SOBP: variants seen among roughly 807,000 people sequenced by gnomAD.
SOBP encodes the protein sine oculis-binding protein homolog.
A neutral mutation model predicts 53.6 loss-of-function variants in SOBP; 4 were observed. The ratio of observed to expected loss-of-function variants is 0.07; its 90% confidence interval spans 0.04 to 0.17. The LOEUF (loss-of-function observed/expected upper bound fraction) is 0.17, where lower values mean the gene tolerates loss of function less well. Among genes scored for constraint, SOBP ranks in the 10% least tolerant of loss-of-function variants. The pLI, the probability that SOBP is intolerant of heterozygous loss-of-function variation, is 1.00. For missense variants in SOBP, 1,088 were observed against 1,204.7 expected, an observed-to-expected ratio of 0.90 and a Z score of 1.43; for synonymous variants, 584 against 522.6, an observed-to-expected ratio of 1.12 and a Z score of -1.60.
Position 107,646,480 on chromosome 6 carries a change from A to C in SOBP, c.*3+11011A>C, listed in dbSNP as rs547670719. 3.9e-5 allele frequency among the ~76,000 whole-genome samples: 6 copies of C among 152,304 alleles called. 1 individual carries two copies. In the East Asian group the frequency reaches 9.7e-4, roughly 25 times the overall value. ...ATGTGGGCTGCTGTTTCATGCATGC[A>C]CAGAGGCAGGCCCTGGCTCTTGCAG... On this transcript the variant is annotated intron_variant, in intron 6 of 6. Coordinates refer to ENST00000317357, the MANE Select transcript of SOBP (RefSeq NM_018013.4).
intron 3 of SOBP, among the ~76,000 whole-genome samples, chr6:107,523,607 A>G (rs1783576063): frequency 6.6e-6 from 1 of 152,098 alleles, no homozygotes; most frequent in South Asian, 2.1e-4. Context: ...TAGCCTGTCA[A>G]TTTGCCTCCC....
At chr6:107,616,090 G>GGGT (rs1786781673) in intron 5 of SOBP, among the ~76,000 whole-genome samples, 1 of 128,398 alleles carries the variant, frequency 7.8e-6, no homozygotes, top group Non-Finnish European at 1.7e-5. Flanking sequence ...GGGGTGGGGG[G>GGGT]GGGGCGGGGG....
At chr6:107,511,879 A>G (rs1035341041) in intron 3 of SOBP, among the ~76,000 whole-genome samples, 2 of 152,004 alleles carry the variant, frequency 1.3e-5, no homozygotes, top group Non-Finnish European at 2.9e-5. Context: ...ATGGTTTGTG[A>G]CAGCACAGGC....
intron 5 of SOBP, among the ~76,000 whole-genome samples, chr6:107,602,524 C>G (rs1786216426): frequency 7.1e-6 from 1 of 141,776 alleles, no homozygotes; most frequent in African/African-American, 2.7e-5. Context: ...GGAACTGATC[C>G]CCATGCAGGA....
intron 4 of SOBP, among the ~76,000 whole-genome samples, chr6:107,564,150 A>T (rs558995125): frequency 1.3e-5 from 2 of 152,302 alleles, no homozygotes; most frequent in East Asian, 1.9e-4. Context: ...TTCCCTATAA[A>T]GGAAGACGTA....
rs140014050 is a variant in SOBP at position 107,550,363 on chromosome 6, T to C, written c.573+16753T>C. ...GGTTTCTGCTCAGAAGAGTGTCTGT[T>C]TGAGCGTGTGAATTGTCCTGTGCTT... On this transcript the variant is annotated intron_variant, in intron 4 of 6. Coordinates refer to ENST00000317357, the MANE Select transcript of SOBP (RefSeq NM_018013.4). 9.8e-4 allele frequency among the ~76,000 whole-genome samples: 149 copies of C among 152,300 alleles called. 1 individual carries two copies. In the East Asian group the frequency reaches 0.022, roughly 23 times the overall value.
At chr6:107,508,212 C>T (rs1379524530) in intron 3 of SOBP, among the ~76,000 whole-genome samples, 1 of 152,188 alleles carries the variant, frequency 6.6e-6, no homozygotes, top group African/African-American at 2.4e-5. Context: ...GATATACTTA[C>T]ACTGTATTCT....
At chr6:107,494,653 C>T (rs1022157276) in intron 1 of SOBP, among the ~76,000 whole-genome samples, 3 of 152,214 alleles carry the variant, frequency 2.0e-5, no homozygotes, top group Admixed American at 1.3e-4. Context: ...TGTTTAACTT[C>T]TTTATCAATT....
intron 4 of SOBP, among the ~76,000 whole-genome samples, chr6:107,540,563 T>C (rs1339283136): frequency 1.3e-5 from 2 of 152,212 alleles, no homozygotes; most frequent in Non-Finnish European, 2.9e-5. Context: ...TATTGCATTC[T>C]CTGTAAACAC....
intron 5 of SOBP, among the ~76,000 whole-genome samples, chr6:107,591,668 T>G (rs1032041220): frequency 2.0e-5 from 3 of 152,230 alleles, no homozygotes; most frequent in Admixed American, 6.5e-5. Flanking sequence ...CAGTCCCATA[T>G]GCAGGGGTTT....
intron 3 of SOBP, among the ~76,000 whole-genome samples, chr6:107,510,950 A>G (rs145112478): frequency 6.6e-6 from 1 of 152,320 alleles, no homozygotes; most frequent in East Asian, 1.9e-4. Context: ...TCCCATTGTA[A>G]ACTGGCTATG....
chr6:107,580,441 C>T (rs1055176499), intron 4 of SOBP, among the ~76,000 whole-genome samples: 30 of 152,250 alleles, frequency 2.0e-4, no homozygotes, highest in Non-Finnish European at 3.2e-4. Flanking sequence ...TGAATCCATT[C>T]GACATATATT....
rs2114261354 is a variant in SOBP, at chr6:107,658,805, T to A, written c.*602T>A. ...AGAGTTAGAATATTTTATTGGCTAA[T>A]ATACTTTTCTTGTTATTTTTACAAA... On this transcript the variant is annotated 3_prime_UTR_variant, in exon 7 of 7. Transcript: ENST00000317357. The A allele has an allele frequency of 6.5e-6, 1 of 152,772 alleles. No individual in the cohort carries two copies. The highest frequency in any genetic ancestry group is 2.4e-5 in the African/African-American group (1 of 41,570). The allele number at this position is 152,772 out of a possible 1,614,324, so 9.5% of individuals were successfully genotyped here.
At chr6:107,500,729 G>T (rs551287127) in intron 1 of SOBP, among the ~76,000 whole-genome samples, 1,734 of 151,914 alleles carry the variant, frequency 0.011, 34 homozygotes, top group African/African-American at 0.04. Context: ...GTTTCACCAT[G>T]TTAGCCAGGA....
At chr6:107,656,737 A>C (rs951176337) in intron 6 of SOBP, among the ~76,000 whole-genome samples, 1 of 152,180 alleles carries the variant, frequency 6.6e-6, no homozygotes. Context: ...TTCATGTTAT[A>C]AACACTCCAA....
intron 4 of SOBP, among the ~76,000 whole-genome samples, chr6:107,560,544 A>G (rs1784744210): frequency 1.3e-5 from 2 of 152,118 alleles, no homozygotes; most frequent in Non-Finnish European, 2.9e-5. Context: ...AACAGGTAGC[A>G]TCCTCTTCAT....
intron 5 of SOBP, among the ~76,000 whole-genome samples, chr6:107,614,980 C>T (rs1786733007): frequency 6.6e-6 from 1 of 152,174 alleles, no homozygotes; most frequent in African/African-American, 2.4e-5. Flanking sequence ...TTGAATGTTT[C>T]CTGATAACTG....
At chr6:107,561,106 T>C (rs1301682396) in intron 4 of SOBP, among the ~76,000 whole-genome samples, 1 of 152,150 alleles carries the variant, frequency 6.6e-6, no homozygotes, top group African/African-American at 2.4e-5. Context: ...ATCAGGACTG[T>C]GCCAAACCTA....
chr6:107,529,439 T>G, intron 3 of SOBP: 1 of 985,130 alleles, frequency 1.0e-6, no homozygotes, highest in Non-Finnish European at 1.2e-6. Context: ...TCATTGATTA[T>G]CTGGATGTGT....
Sources: allele counts gnomAD v4.1 joint callset (sites outside exome capture counted in the v4.1 genomes callset), GRCh38; gene constraint gnomAD v4.1.1; transcripts MANE v1.5; gene names NCBI Gene and HGNC (gene_info 2026-07-23, HGNC 2026-07-21).